The following EFCAB3 variants were observed in gnomAD, a reference collection of about 807,000 sequenced individuals.
EFCAB3 encodes EF-hand calcium-binding domain-containing protein 3.
EFCAB3 carries 36 observed loss-of-function variants against 42.2 expected under a neutral mutation model. The observed-to-expected ratio is 0.85, with a 90% CI of 0.65 to 1.13. The LOEUF (loss-of-function observed/expected upper bound fraction) is 1.13, where lower values mean the gene tolerates loss of function less well. Among genes scored for constraint, EFCAB3 ranks in the 50% most tolerant of loss-of-function variants. The probability of loss-of-function intolerance (pLI) is 0.00; values close to 1 mark genes in which losing one functional copy is unlikely to be tolerated. For missense variants in EFCAB3, 418 were observed against 505.1 expected, an observed-to-expected ratio of 0.83 and a Z score of 1.65; for synonymous variants, 170 against 172.8, an observed-to-expected ratio of 0.98 and a Z score of 0.13.
At chr17:62,380,654 T>C in intron 1 of EFCAB3, 41 bp downstream of exon 1, 3 of 936,482 alleles carry the variant, frequency 3.2e-6, no homozygotes, top group Non-Finnish European at 3.8e-6. Flanking sequence ...CTAAGTCCTT[T>C]TTAAAAAATC....
At chr17:62,378,137 C>A, upstream of EFCAB3, 1 of 830,442 alleles carries the variant, frequency 1.2e-6, no homozygotes, top group Non-Finnish European at 1.8e-6. Flanking sequence ...CCTCCATCTA[C>A]TTGTCCATAA....
rs1316866509 is a variant in EFCAB3 at position 62,395,078 on chromosome 17, G to A, written c.378G>A (p.Lys126=). ...GTTTTCCCTCCATAGTTCCAGAAAA[G>A]GAGACCTGTTTAGATTTGGCTGGCA... ...NLFLKAVVPE[K]ETCLDLAGNP... The change falls in exon 6 of 10, where the codon AAG becomes AAA. Residue 126 remains lysine, a synonymous_variant. Coordinates refer to ENST00000305286, the MANE Select transcript of EFCAB3 (RefSeq NM_173503.4). 6.2e-7 allele frequency: 1 copy of A among 1,613,590 alleles called. No homozygotes were observed. Among genetic ancestry groups the A allele is most frequent in the Non-Finnish European group, 8.5e-7 (1 of 1,179,862 alleles).
At chr17:62,381,705 G>A (rs748458162) in intron 1 of EFCAB3, 1 of 221,640 alleles carries the variant, frequency 4.5e-6, no homozygotes, top group Non-Finnish European at 9.2e-6. Flanking sequence ...GGCTGCCCTC[G>A]GGGGCAGCAC....
intron 8 of EFCAB3, among the ~76,000 whole-genome samples, chr17:62,408,865 T>G (rs1172484355): frequency 6.6e-6 from 1 of 152,194 alleles, no homozygotes. Flanking sequence ...TGCTATTTCT[T>G]CTGCTCTAAT....
chr17:62,390,488 A>G (rs532472288), intron 3 of EFCAB3, among the ~76,000 whole-genome samples: 56 of 152,262 alleles, frequency 3.7e-4, no homozygotes, highest in African/African-American at 1.3e-3. Flanking sequence ...TCTTTTTTCC[A>G]TGGTACATAC....
chr17:62,400,849 T>A (rs2070395608), intron 6 of EFCAB3, among the ~76,000 whole-genome samples: 1 of 152,220 alleles, frequency 6.6e-6, no homozygotes, highest in Non-Finnish European at 1.5e-5. Flanking sequence ...CTACACAGTG[T>A]AAAAGTGTAA....
intron 5 of EFCAB3, among the ~76,000 whole-genome samples, 156 bp from the exon 6 acceptor site, chr17:62,394,912 A>T (rs1478919120): frequency 2.6e-5 from 4 of 152,212 alleles, no homozygotes. Flanking sequence ...CTCAGTACCC[A>T]AAATGGCCTT....
chr17:62,407,208 C>A lies in EFCAB3; in HGVS notation c.863C>A (p.Thr288Lys). ...TTTTTCCATAAAAGAGACTGGAAAA[C>A]ACAGGTGAGATTTAGATTATGTCAC... is the stretch of plus-strand genomic sequence containing the variant. The part of the protein sequence containing the change: ...DYFFHKRDWK[T>K]QAANIKSMDP... The change falls in exon 8 of 10, where the codon ACA (threonine) becomes AAA (lysine). Residue 288 changes from threonine to lysine, a missense_variant. By Grantham distance (78) the Thr-to-Lys change is moderately conservative. Transcript: ENST00000305286. The A allele has an allele frequency of 6.3e-7, 1 of 1,579,648 alleles. No individual in the cohort carries two copies. The highest frequency in any genetic ancestry group is 1.2e-5 in the South Asian group (1 of 84,398).
At chr17:62,371,371 A>G (rs1441926201) in intron 1 of EFCAB3, among the ~76,000 whole-genome samples, 1 of 151,802 alleles carries the variant, frequency 6.6e-6, no homozygotes, top group Non-Finnish European at 1.5e-5. Flanking sequence ...CCTGACCAAC[A>G]TGGTGAAACC....
At chr17:62,411,479 C>T (rs2070494294) in intron 8 of EFCAB3, among the ~76,000 whole-genome samples, 1 of 152,084 alleles carries the variant, frequency 6.6e-6, no homozygotes, top group African/African-American at 2.4e-5. Flanking sequence ...ACTTCAAAAG[C>T]AACCAGAGGC....
At position 62,400,766 on chromosome 17, in the gene EFCAB3, A is replaced by G. The variant is rs546746009; in HGVS notation, c.488+5578A>G. Among the ~76,000 whole-genome samples the G allele has an allele frequency of 2.6e-5, 4 of 152,272 alleles. No individual in the cohort carries two copies. The East Asian group carries it at 7.7e-4, about 29-fold the overall frequency. On this transcript the variant is annotated intron_variant, in intron 6 of 9. Transcript: ENST00000305286. ...CCCAGTAATGGGATTGCTGGGTCAA[A>G]TGGTATTTCTATTTCTAGATCCTTG...
rs575579981 is a variant in EFCAB3, at chr17:62,407,705, C to T, written c.867+493C>T. Among the ~76,000 whole-genome samples the T allele has an allele frequency of 5.3e-5, 8 of 152,204 alleles. No homozygotes were observed. In the East Asian group the frequency reaches 1.2e-3, roughly 22 times the overall value. On this transcript the variant is annotated intron_variant, in intron 8 of 9. Transcript: ENST00000305286. ...GTTCTGTTGACTCTAGTCTTTTTGC[C>T]CCCCCTCCCAGGATATACTTTTGTC...
intron 5 of EFCAB3, among the ~76,000 whole-genome samples, chr17:62,393,892 G>A (rs80292970): frequency 0.022 from 3,272 of 152,100 alleles, 141 homozygotes; most frequent in African/African-American, 0.074. Context: ...TCTCCAACGA[G>A]AACACTGAAA....
chr17:62,376,274 A>T (rs1598003268), upstream of EFCAB3, among the ~76,000 whole-genome samples: 1 of 152,208 alleles, frequency 6.6e-6, no homozygotes, highest in African/African-American at 2.4e-5. Context: ...GGGGTTAGAG[A>T]CCAGCCTGGC....
At chr17:62,396,164 C>T (rs1476381326) in intron 6 of EFCAB3, among the ~76,000 whole-genome samples, 1 of 152,140 alleles carries the variant, frequency 6.6e-6, no homozygotes, top group Non-Finnish European at 1.5e-5. Context: ...TGTGACAATA[C>T]ATGTGAAGTG....
chr17:62,405,447 T>A (rs1340247404), intron 6 of EFCAB3, among the ~76,000 whole-genome samples: 2 of 152,206 alleles, frequency 1.3e-5, no homozygotes, highest in African/African-American at 4.8e-5. Context: ...AATCAGCCTA[T>A]GTATTAATGA....
intron 9 of EFCAB3, among the ~76,000 whole-genome samples, chr17:62,414,202 T>C (rs958861342): frequency 6.6e-6 from 1 of 152,208 alleles, no homozygotes; most frequent in African/African-American, 2.4e-5. Context: ...GAAAGAATCT[T>C]ACGTCCTGAG....
intron 1 of EFCAB3, among the ~76,000 whole-genome samples, chr17:62,382,169 A>T (rs1015070774): frequency 6.6e-6 from 1 of 152,250 alleles, no homozygotes. Context: ...GGTATCTAAG[A>T]TGTAAACAAG....
At chr17:62,396,332 A>C (rs2070348413) in intron 6 of EFCAB3, among the ~76,000 whole-genome samples, 2 of 152,166 alleles carry the variant, frequency 1.3e-5, no homozygotes, top group Admixed American at 6.6e-5. Flanking sequence ...AGGCAGGCGA[A>C]TCACAAGGTC....
Sources: allele counts gnomAD v4.1 joint callset (sites outside exome capture counted in the v4.1 genomes callset), GRCh38; gene constraint gnomAD v4.1.1; transcripts MANE v1.5; gene names NCBI Gene and HGNC (gene_info 2026-07-23, HGNC 2026-07-21).